Variants in TRMT112 observed in about 807,000 individuals in gnomAD.
TRMT112 encodes multifunctional methyltransferase subunit TRM112-like protein.
TRMT112 carries 9 observed loss-of-function variants against 13.8 expected under a neutral mutation model. That is an observed-to-expected ratio of 0.65 (90% CI 0.39 to 1.14). The LOEUF is 1.14. Ranked by LOEUF, TRMT112 falls within the 50% of genes most tolerant of loss-of-function variation. The probability of loss-of-function intolerance (pLI) is 0.01; values close to 1 mark genes in which losing one functional copy is unlikely to be tolerated. For missense variants in TRMT112, 196 were observed against 165.5 expected, an observed-to-expected ratio of 1.18 and a Z score of -1.01; for synonymous variants, 64 against 67.0, an observed-to-expected ratio of 0.96 and a Z score of 0.22.
rs750217757 is a variant in TRMT112, at chr11:64,317,162, C to G, written c.181-15G>C. 22 of 1,613,642 alleles carry G rather than the reference C, an allele frequency of 1.4e-5. No individual in the cohort carries two copies. The highest frequency in any genetic ancestry group is 1.9e-5 in the Non-Finnish European group (22 of 1,179,660). The stretch of plus-strand genomic sequence containing the variant: ...ATCAGACGCAACTGTGGGCAAGAGG[C>G]CAAAATTATCTCCGGGCATCCCGAA... On this transcript the variant is annotated splice_polypyrimidine_tract_variant and intron_variant, in intron 2 of 3. Coordinates refer to ENST00000544844, the MANE Select transcript of TRMT112 (RefSeq NM_016404.3).
upstream of TRMT112, chr11:64,318,265 T>C: frequency 6.2e-7 from 1 of 1,612,308 alleles, no homozygotes; most frequent in South Asian, 1.1e-5. Flanking sequence ...GGCTATATAC[T>C]CGTCGGTGGG....
chr11:64,317,178 G>A (rs2035309969), intron 2 of TRMT112, 31 bp from the exon 3 acceptor site: 2 of 1,612,500 alleles, frequency 1.2e-6, no homozygotes, highest in Admixed American at 3.3e-5. Context: ...TTATCTCCGG[G>A]CATCCCGAAC....
chr11:64,318,486 C>T (rs2035385162), upstream of TRMT112: 2 of 1,423,630 alleles, frequency 1.4e-6, no homozygotes, highest in Non-Finnish European at 1.9e-6. Context: ...GCCTGCCAGA[C>T]CCCTCCCCTC....
At position 64,316,819 on chromosome 11, in the gene TRMT112, A is replaced by G. The variant is rs2035285279; in HGVS notation, c.*42T>C. 7.1e-7 allele frequency: 1 copy of G among 1,409,468 alleles called. No homozygotes were observed. Among genetic ancestry groups the G allele is most frequent in the Non-Finnish European group, 1.0e-6 (1 of 995,256 alleles). 87.3% of individuals were successfully genotyped at this position (1,409,468 alleles called of 1,614,324 possible). ...TTCGGAAACAGGGTATAGATCAACA[A>G]AAATACACAGTCATAACAAGAAAAA... On this transcript the variant is annotated 3_prime_UTR_variant, in exon 4 of 4. Transcript: ENST00000544844.
rs1383272051 is a variant in TRMT112, at chr11:64,317,481, C to G, written c.46G>C (p.Val16Leu). 6 of 1,606,592 alleles carry G rather than the reference C, an allele frequency of 3.7e-6. No homozygotes were observed. The highest frequency in any genetic ancestry group is 5.1e-6 in the Non-Finnish European group (6 of 1,175,950). The change falls in exon 1 of 4, where the codon GTG (valine) becomes CTG (leucine). Residue 16 changes from valine (V) to leucine (L), a missense_variant. Physicochemically the swap from Val to Leu is conservative, Grantham distance 32 (BLOSUM62 1). Transcript: ENST00000544844. ...HNLLSSHVRGVGSRGFPLRLQ... is the reference protein window; with the variant it reads ...HNLLSSHVRGLGSRGFPLRLQ... ...CGCAGGGGGAAGCCACGGGACCCCA[C>G]CCCCCGCACATGCGAGCTCAGCAGA...
At chr11:64,317,976 A>C, upstream of TRMT112, 1 of 1,401,862 alleles carries the variant, frequency 7.1e-7, no homozygotes, top group Admixed American at 3.2e-5. Context: ...CTATATGCAA[A>C]TTAGCTGCTC....
chr11:64,318,230 C>A, upstream of TRMT112: 1 of 1,611,746 alleles, frequency 6.2e-7, no homozygotes, highest in Non-Finnish European at 8.5e-7. Context: ...GACTAGCTGG[C>A]GTGTGCGCCC....
At position 64,316,503 on chromosome 11, in the gene TRMT112, C is replaced by T. The variant is rs1166314308; in HGVS notation, c.*358G>A. 3 of 231,732 alleles carry T rather than the reference C, an allele frequency of 1.3e-5. No homozygotes were observed. The highest frequency in any genetic ancestry group is 2.6e-5 in the Non-Finnish European group (3 of 115,078). 14.4% of individuals were successfully genotyped at this position (231,732 alleles called of 1,614,324 possible). ...ACCCCTGGGGTGGCCAGGGCTTCCCCATCAGCTCCCAACGAGCCTCCTCAG... is the reference window on the plus strand; with the variant it reads ...ACCCCTGGGGTGGCCAGGGCTTCCCTATCAGCTCCCAACGAGCCTCCTCAG... On this transcript the variant is annotated 3_prime_UTR_variant, in exon 4 of 4. Coordinates refer to ENST00000544844, the MANE Select transcript of TRMT112 (RefSeq NM_016404.3).
upstream of TRMT112, chr11:64,317,942 T>C (rs1052560165): frequency 3.6e-6 from 5 of 1,380,634 alleles, no homozygotes; most frequent in Non-Finnish European, 4.7e-6. Flanking sequence ...ATTAGGCCCA[T>C]GGAAGCCGAG....
rs1158691957 is a variant in TRMT112, at chr11:64,317,467, G to A, written c.60C>T (p.Gly20=). ...SSHVRGVGSR[G]FPLRLQATEV... ...CGGGTACCTGGAGGCGCAGGGGGAA[G>A]CCACGGGACCCCACCCCCCGCACAT... The change falls in exon 1 of 4, where the codon GGC becomes GGT. Residue 20 remains glycine, a synonymous_variant. Transcript: ENST00000544844. 6 of 1,609,998 alleles carry A rather than the reference G, an allele frequency of 3.7e-6. No homozygotes were observed. The highest frequency in any genetic ancestry group is 5.1e-6 in the Non-Finnish European group (6 of 1,177,920).
upstream of TRMT112, chr11:64,317,817 A>G (rs1035093927): frequency 3.7e-5 from 30 of 813,130 alleles, no homozygotes; most frequent in African/African-American, 1.1e-4. Flanking sequence ...GCTGCAATGC[A>G]GGAGCTCTCG....
upstream of TRMT112, chr11:64,318,086 C>T (rs925303403): frequency 2.1e-6 from 3 of 1,457,158 alleles, no homozygotes; most frequent in Non-Finnish European, 2.7e-6. Flanking sequence ...CGGGTGGCCG[C>T]TCGCGCCTGC....
At chr11:64,318,136 G>A, upstream of TRMT112, 15 of 1,572,124 alleles carry the variant, frequency 9.5e-6, no homozygotes, top group Non-Finnish European at 1.3e-5. Flanking sequence ...GCAGGGTGTC[G>A]CCGCTGTGCC....
rs187444371 is a variant in TRMT112 at position 64,316,598 on chromosome 11, G to A, written c.*263C>T. On this transcript the variant is annotated 3_prime_UTR_variant, in exon 4 of 4. Coordinates refer to ENST00000544844, the MANE Select transcript of TRMT112 (RefSeq NM_016404.3). Reference sequence around the variant, plus strand: ...TATATTTATTTTTGGGTTTGGCCAGGGAGGCGCAGGGACATGGGGCAAGCC... The same window carrying A: ...TATATTTATTTTTGGGTTTGGCCAGAGAGGCGCAGGGACATGGGGCAAGCC... 2.9e-5 allele frequency: 13 copies of A among 441,584 alleles called. No homozygotes were observed. The highest frequency in any genetic ancestry group is 4.5e-5 in the Non-Finnish European group (11 of 242,576). 27.4% of individuals were successfully genotyped at this position (441,584 alleles called of 1,614,324 possible).
chr11:64,317,562 A>G (rs773457282), upstream of TRMT112: 2 of 1,506,378 alleles, frequency 1.3e-6, no homozygotes, highest in Admixed American at 2.1e-5. Context: ...CGGAACCGGA[A>G]AAAGGTCGTC....
Position 64,316,647 on chromosome 11 carries a change from C to T in TRMT112, c.*214G>A, listed in dbSNP as rs2135265615. 2 of 562,502 alleles carry T rather than the reference C, an allele frequency of 3.6e-6. No homozygotes were observed. Among genetic ancestry groups the T allele is most frequent in the East Asian group, 6.3e-5 (2 of 31,850 alleles). The allele number at this position is 562,502 out of a possible 1,614,324, so 34.8% of individuals were successfully genotyped here. On this transcript the variant is annotated 3_prime_UTR_variant, in exon 4 of 4. Transcript: ENST00000544844. ...CCAGGGCCCAGAGCCCTTGGCTGTA[C>T]AGAGACTCTATTTTAATGTATATTT...
upstream of TRMT112, chr11:64,318,492 C>T (rs539950110): frequency 1.0e-5 from 14 of 1,403,264 alleles, 1 homozygote; most frequent in Middle Eastern, 2.1e-4. Flanking sequence ...CAGACCCCTC[C>T]CCTCCGCCCG....
At chr11:64,317,195 C>A (rs1243390571) in intron 2 of TRMT112, 48 bp from the exon 3 acceptor site, 1 of 1,612,024 alleles carries the variant, frequency 6.2e-7, no homozygotes, top group Non-Finnish European at 8.5e-7. Flanking sequence ...GAACTCCCGC[C>A]TCAGCCCGGC....
Position 64,316,983 on chromosome 11 carries a change from G to T in TRMT112, c.271-15C>A, listed in dbSNP as rs377495548. On this transcript the variant is annotated splice_polypyrimidine_tract_variant and intron_variant, in intron 3 of 3. Transcript: ENST00000544844. ...ATCACTTCCACCTGCGGGCAGGGAG[G>T]GACAGAGCTGAGCACTGGCAGCCTC... The T allele has an allele frequency of 1.9e-6, 3 of 1,612,444 alleles. No homozygotes were observed. Among genetic ancestry groups the T allele is most frequent in the African/African-American group, 2.7e-5 (2 of 74,866 alleles).
Sources: allele counts gnomAD v4.1 joint callset, GRCh38; gene constraint gnomAD v4.1.1; transcripts MANE v1.5; gene names NCBI Gene and HGNC (gene_info 2026-07-23, HGNC 2026-07-21).